Variants in LDLRAD4 observed in about 807,000 individuals in gnomAD.
The protein encoded by LDLRAD4 is low-density lipoprotein receptor class A domain-containing protein 4.
A neutral mutation model predicts 17.0 loss-of-function variants in LDLRAD4; 5 were observed. That is an observed-to-expected ratio of 0.29 (90% confidence interval 0.15 to 0.62). LDLRAD4 has a LOEUF of 0.62. LDLRAD4 is among the 20% of genes least tolerant of loss of function. The pLI is 0.84. For synonymous variants in LDLRAD4, 168 were observed against 171.8 expected (o/e 0.98, Z 0.17); for missense variants, 340 against 424.7 (o/e 0.80, Z 1.75).
At chr18:13,643,502 G>A in intron 5 of LDLRAD4, 90 bp downstream of exon 6, 2 of 696,356 alleles carry the variant, frequency 2.9e-6, no homozygotes, top group East Asian at 6.9e-5. Flanking sequence ...GGGTGGAAGG[G>A]GAGGGGCCTC....
At chr18:13,454,014 G>A (rs767825788) in intron 3 of LDLRAD4, among the ~76,000 whole-genome samples, 2 of 152,242 alleles carry the variant, frequency 1.3e-5, no homozygotes, top group African/African-American at 2.4e-5. Context: ...GGACAGAGCC[G>A]GAGGCTGCGC....
intron 1 of LDLRAD4, among the ~76,000 whole-genome samples, chr18:13,219,875 A>G (rs1025965878): frequency 6.6e-6 from 1 of 152,210 alleles, no homozygotes. Flanking sequence ...TCATGTCTGC[A>G]TTCTGTATAT....
intron 3 of LDLRAD4, among the ~76,000 whole-genome samples, chr18:13,459,730 C>T (rs964724279): frequency 6.6e-6 from 1 of 152,050 alleles, no homozygotes. Flanking sequence ...GTTATAGCAG[C>T]AATAGGGAAG....
exon 1 of LDLRAD4, chr18:13,278,147 C>A (rs1599070554): frequency 6.6e-6 from 1 of 152,172 alleles, no homozygotes; most frequent in East Asian, 1.9e-4. Flanking sequence ...TCCTGTTGGG[C>A]CATTTCCGAG....
chr18:13,282,543 A>T (rs1017042501), intron 1 of LDLRAD4, among the ~76,000 whole-genome samples: 1 of 152,200 alleles, frequency 6.6e-6, no homozygotes, highest in Admixed American at 6.5e-5. Context: ...TAAAGCTTCA[A>T]AATGATCTCC....
intron 3 of LDLRAD4, chr18:13,487,246 A>C (rs1278769013): frequency 6.6e-6 from 1 of 152,222 alleles, no homozygotes; most frequent in Non-Finnish European, 1.5e-5. Context: ...GTGCTGGGGA[A>C]GAGCAGTGGG....
chr18:13,595,284 T>C (rs2095081523), intron 3 of LDLRAD4, among the ~76,000 whole-genome samples: 1 of 152,180 alleles, frequency 6.6e-6, no homozygotes, highest in South Asian at 2.1e-4. Flanking sequence ...TTCCTTTTGG[T>C]CCAGTGTCTT....
chr18:13,634,753 C>A (rs2041943928), intron 4 of LDLRAD4, among the ~76,000 whole-genome samples: 1 of 149,234 alleles, frequency 6.7e-6, no homozygotes. Flanking sequence ...TCAAGGGACC[C>A]TAAATATCCA....
intron 1 of LDLRAD4, among the ~76,000 whole-genome samples, chr18:13,262,428 C>G (rs62097320): frequency 7.4e-6 from 1 of 135,872 alleles, no homozygotes; most frequent in Admixed American, 7.2e-5. Flanking sequence ...TCCCGTGTGG[C>G]CCTGTGCGTG....
At position 13,636,242 on chromosome 18, in the gene LDLRAD4, C is replaced by T. The variant is rs1601846063; in HGVS notation, c.337-7117C>T. On this transcript the variant is annotated intron_variant, in intron 4 of 5. Transcript: ENST00000359446. Reference sequence around the variant, plus strand: ...CACCACAGTCCCAGCATGCTCAAGTCCCGCAGTCTGTCCTGCTGAACCCAT... The same window carrying T: ...CACCACAGTCCCAGCATGCTCAAGTTCCGCAGTCTGTCCTGCTGAACCCAT... 2.6e-5 allele frequency among the ~76,000 whole-genome samples: 4 copies of T among 152,216 alleles called. No homozygotes were observed. The South Asian group carries it at 6.2e-4, about 24-fold the overall frequency.
At chr18:13,450,327 C>CCG (rs1014857737) in intron 3 of LDLRAD4, among the ~76,000 whole-genome samples, 1 of 27,896 alleles carries the variant, frequency 3.6e-5, no homozygotes, top group Non-Finnish European at 8.6e-5. Flanking sequence ...TCTCCCCCCA[C>CCG]CCCCCCCCCC....
rs575752870 is a variant in LDLRAD4, at chr18:13,303,654, A to G, written c.-383+25466A>G. Among the ~76,000 whole-genome samples the G allele has an allele frequency of 5.3e-5, 8 of 152,288 alleles. No homozygotes were observed. In the East Asian group the frequency reaches 9.6e-4, roughly 18 times the overall value. On this transcript the variant is annotated intron_variant, in intron 1 of 5. Transcript: ENST00000359446. The stretch of plus-strand genomic sequence containing the variant: ...TCCGAGACTTTCCTTTTGATGAAAG[A>G]AAAAGGGAGTTATTTTCTACATGAG...
intron 4 of LDLRAD4, among the ~76,000 whole-genome samples, chr18:13,625,102 G>C (rs1221577382): frequency 6.6e-6 from 1 of 152,210 alleles, no homozygotes; most frequent in East Asian, 1.9e-4. Context: ...CCCCTCTGTG[G>C]AGCGCAGCCT....
intron 3 of LDLRAD4, among the ~76,000 whole-genome samples, chr18:13,502,307 C>T (rs1237133890): frequency 3.9e-5 from 6 of 152,196 alleles, no homozygotes; most frequent in Non-Finnish European, 2.9e-5. Flanking sequence ...TGGTCCTGAC[C>T]GATTCACCAG....
intron 3 of LDLRAD4, among the ~76,000 whole-genome samples, chr18:13,581,376 T>C (rs1771813125): frequency 1.3e-5 from 2 of 152,190 alleles, no homozygotes; most frequent in Non-Finnish European, 2.9e-5. Context: ...TACAGGCCTG[T>C]CTCTCATTTT....
intron 1 of LDLRAD4, among the ~76,000 whole-genome samples, chr18:13,351,199 G>A (rs1317943691): frequency 6.6e-6 from 1 of 152,110 alleles, no homozygotes; most frequent in Non-Finnish European, 1.5e-5. Flanking sequence ...GAATAATATT[G>A]AATATATAAA....
chr18:13,417,435 CTT>C (rs58522143), intron 2 of LDLRAD4, among the ~76,000 whole-genome samples: 24 of 139,250 alleles, frequency 1.7e-4, no homozygotes, highest in Admixed American at 2.9e-4. Context: ...TGCTGTTTTT[CTT>C]TTTTTTTTTT....
chr18:13,226,180 C>CTTTTTTTTCTTTTTTTTT (rs2041784150), intron 1 of LDLRAD4, among the ~76,000 whole-genome samples: 1 of 52,188 alleles, frequency 1.9e-5, no homozygotes, highest in South Asian at 1.2e-3. Context: ...CCATGCCTTG[C>CTTTTTTTTCTTTTTTTTT]TTTTTTTTTT....
chr18:13,470,122 C>CAA (rs1168270587), intron 3 of LDLRAD4, among the ~76,000 whole-genome samples: 2 of 152,178 alleles, frequency 1.3e-5, no homozygotes, highest in Non-Finnish European at 2.9e-5. Flanking sequence ...TGCCCTTTGA[C>CAA]ATAGCGATAG....
Sources: allele counts gnomAD v4.1 joint callset (sites outside exome capture counted in the v4.1 genomes callset), GRCh38; gene constraint gnomAD v4.1.1; transcripts MANE v1.5; gene names NCBI Gene and HGNC (gene_info 2026-07-23, HGNC 2026-07-21).